Variants in HDAC11 observed in about 807,000 individuals in gnomAD.
The protein encoded by HDAC11 is histone deacetylase 11.
A neutral mutation model predicts 41.1 loss-of-function variants in HDAC11; 23 were observed. The observed-to-expected ratio is 0.56, with a 90% CI of 0.40 to 0.79. The LOEUF (loss-of-function observed/expected upper bound fraction) is 0.79, where lower values mean the gene tolerates loss of function less well. HDAC11 is among the 30% of genes least tolerant of loss of function. The pLI is 0.00. For missense variants in HDAC11, 402 were observed against 477.3 expected (o/e 0.84, Z 1.47); for synonymous variants, 187 against 186.6 (o/e 1.00, Z -0.02).
chr3:13,482,076 C>A (rs1175563990), intron 2 of HDAC11, among the ~76,000 whole-genome samples: 1 of 152,226 alleles, frequency 6.6e-6, no homozygotes, highest in African/African-American at 2.4e-5. Flanking sequence ...AAGGACACAG[C>A]TCCCATTAGT....
Position 13,480,931 on chromosome 3 carries a change from T to G in HDAC11, c.3-315T>G, listed in dbSNP as rs1701285983. Reference sequence around the variant, plus strand: ...GTGCAGAGGTGATGCGCGGAGGCCTTGCAGCCAGACACACCTGAGTGCACG... The same window carrying G: ...GTGCAGAGGTGATGCGCGGAGGCCTGGCAGCCAGACACACCTGAGTGCACG... On this transcript the variant is annotated intron_variant, in intron 1 of 9. Transcript: ENST00000295757. The surrounding 1 kb of genome is among the most constrained non-coding windows in gnomAD (Gnocchi z 4.6). The G allele has an allele frequency of 2.2e-6, 1 of 457,548 alleles. No individual in the cohort carries two copies. Among genetic ancestry groups the G allele is most frequent in the South Asian group, 2.2e-5 (1 of 45,796 alleles). The allele number at this position is 457,548 out of a possible 1,614,324, so 28.3% of individuals were successfully genotyped here. A position where few individuals can be genotyped will look rare whatever the true frequency, so the allele number is the denominator to read the frequency against.
intron 3 of HDAC11, among the ~76,000 whole-genome samples, chr3:13,496,231 G>A (rs1015235682): frequency 5.3e-5 from 8 of 152,212 alleles, no homozygotes; most frequent in Non-Finnish European, 7.3e-5. Context: ...AGGAAGGTCC[G>A]ATTCCCAATG....
rs1341448405 is a variant in HDAC11 at position 13,499,952 on chromosome 3, C to T, written c.413-761C>T. 2.0e-5 allele frequency among the ~76,000 whole-genome samples: 3 copies of T among 152,152 alleles called. 1 individual carries two copies. The highest frequency in any genetic ancestry group is 2.0e-4 in the Admixed American group (3 of 15,276). On this transcript the variant is annotated intron_variant, in intron 5 of 9. Coordinates refer to ENST00000295757, the MANE Select transcript of HDAC11 (RefSeq NM_024827.4). ...GACCTCCTCTGTGGGTCAGTCTCCT[C>T]ATCTGTAAAATGGGGATGGTGATGC...
chr3:13,487,302 C>T (rs1050866339), intron 3 of HDAC11, among the ~76,000 whole-genome samples: 1 of 152,226 alleles, frequency 6.6e-6, no homozygotes, highest in Non-Finnish European at 1.5e-5. Flanking sequence ...GAGAGTCCTT[C>T]AGGTTTCTCA....
chr3:13,480,425 G>A lies in HDAC11; in HGVS notation c.2+76G>A, dbSNP rs1158293055. 1 of 937,420 alleles carries A rather than the reference G, an allele frequency of 1.1e-6. No individual in the cohort carries two copies. Among genetic ancestry groups the A allele is most frequent in the Non-Finnish European group, 1.4e-6 (1 of 730,482 alleles). 58.1% of individuals were successfully genotyped at this position (937,420 alleles called of 1,614,324 possible). A position where few individuals can be genotyped will look rare whatever the true frequency, so the allele number is the denominator to read the frequency against. ...GCGGGCGCGCTAGGGCGAGGGCGGGGACGGCCGGGCGGGCGCGCCAGGTAA... is the reference window on the plus strand; with the variant it reads ...GCGGGCGCGCTAGGGCGAGGGCGGGAACGGCCGGGCGGGCGCGCCAGGTAA... On this transcript the variant is annotated intron_variant, in intron 1 of 9. Transcript: ENST00000295757. This position sits in a 1 kb window ranked among gnomAD's most constrained non-coding sequence, Gnocchi z 4.6.
At chr3:13,499,825 G>A (rs1034438590) in intron 5 of HDAC11, among the ~76,000 whole-genome samples, 10 of 152,334 alleles carry the variant, frequency 6.6e-5, no homozygotes, top group African/African-American at 2.2e-4. Flanking sequence ...CCCCATGGCA[G>A]GTGTTACTGC....
At position 13,492,488 on chromosome 3, in the gene HDAC11, G is replaced by C. The variant is rs141189475; in HGVS notation, c.253-4248G>C. 7.6e-3 allele frequency among the ~76,000 whole-genome samples: 1,164 copies of C among 152,330 alleles called. 11 individuals are homozygous for C. Among genetic ancestry groups the C allele is most frequent in the Non-Finnish European group, 9.4e-3 (637 of 68,022 alleles). ...ACAGTCTGTAGCCTCAGGGAGAGAA[G>C]TGCTATCTGGGAAGATGAAGCCAAG... On this transcript the variant is annotated intron_variant, in intron 3 of 9. Transcript: ENST00000295757.
intron 5 of HDAC11, among the ~76,000 whole-genome samples, chr3:13,499,247 G>T (rs1702244808): frequency 6.6e-6 from 1 of 152,062 alleles, no homozygotes; most frequent in African/African-American, 2.4e-5. Context: ...TCGGCTCACC[G>T]CAACCTCCGC....
At position 13,498,514 on chromosome 3, in the gene HDAC11, C is replaced by T. The variant is rs755040576; in HGVS notation, c.371C>T (p.Ala124Val). ...CTCACCCTCTGCTTGTCTCCAAAGG[C>T]GGGGAAGCTGGCTGTGGAGCGAGGC... is the stretch of plus-strand genomic sequence containing the variant. ...LRTQTGGTIM[A>V]GKLAVERGWA... is the part of the protein sequence containing the mutation. The change falls in exon 5 of 10, where the codon GCG becomes GTG. Residue 124 changes from alanine to valine, a missense_variant and splice_region_variant. Physicochemically the swap from Ala to Val is moderately conservative, Grantham distance 64. Transcript: ENST00000295757. 9 of 1,610,888 alleles carry T rather than the reference C, an allele frequency of 5.6e-6. No individual in the cohort carries two copies. Among genetic ancestry groups the T allele is most frequent in the South Asian group, 3.3e-5 (3 of 91,020 alleles).
At chr3:13,482,980 G>A (rs1291857141) in intron 2 of HDAC11, among the ~76,000 whole-genome samples, 1 of 151,522 alleles carries the variant, frequency 6.6e-6, no homozygotes, top group East Asian at 1.9e-4. Flanking sequence ...TGAACTCCTG[G>A]GCTCAAGCAA....
Position 13,481,240 on chromosome 3 carries a change from C to G in HDAC11, c.3-6C>G. 2 of 1,611,362 alleles carry G rather than the reference C, an allele frequency of 1.2e-6. No individual in the cohort carries two copies. The highest frequency in any genetic ancestry group is 2.2e-5 in the East Asian group (1 of 44,880). ...AGCTGTGCGTCTGTCTTTTTCCACACGGTAGGCTACACACAACCCAGCTGT... is the reference window on the plus strand; with the variant it reads ...AGCTGTGCGTCTGTCTTTTTCCACAGGGTAGGCTACACACAACCCAGCTGT... On this transcript the variant is annotated splice_polypyrimidine_tract_variant and splice_region_variant and intron_variant, in intron 1 of 9. Coordinates refer to ENST00000295757, the MANE Select transcript of HDAC11 (RefSeq NM_024827.4).
Position 13,481,244 on chromosome 3 carries a change from A to G in HDAC11, c.3-2A>G. ...GTGCGTCTGTCTTTTTCCACACGGT[A>G]GGCTACACACAACCCAGCTGTACCA... On this transcript the variant is annotated splice_acceptor_variant, in intron 1 of 9. Coordinates refer to ENST00000295757, the MANE Select transcript of HDAC11 (RefSeq NM_024827.4). LOFTEE classifies it high-confidence loss of function. 1 of 1,611,820 alleles carries G rather than the reference A, an allele frequency of 6.2e-7. No homozygotes were observed. The highest frequency in any genetic ancestry group is 8.5e-7 in the Non-Finnish European group (1 of 1,179,808).
chr3:13,490,402 A>G (rs1040188870), intron 3 of HDAC11, among the ~76,000 whole-genome samples: 9 of 152,306 alleles, frequency 5.9e-5, no homozygotes, highest in African/African-American at 2.2e-4. Context: ...GGATTTTGAC[A>G]GGAATTGCAT....
At position 13,505,026 on chromosome 3, in the gene HDAC11, T is replaced by C; in HGVS notation, c.*343T>C. 2.9e-6 allele frequency: 1 copy of C among 345,996 alleles called. No homozygotes were observed. The highest frequency in any genetic ancestry group is 5.9e-5 in the East Asian group (1 of 16,838). The allele number at this position is 345,996 out of a possible 1,614,324, so 21.4% of individuals were successfully genotyped here. On this transcript the variant is annotated 3_prime_UTR_variant, in exon 10 of 10. Coordinates refer to ENST00000295757, the MANE Select transcript of HDAC11 (RefSeq NM_024827.4). ...GGCCCTGGGCTTGGGGTGTTCTGGT[T>C]TTGAGAACGGCAGACCCAGGTCGGA... is the stretch of plus-strand genomic sequence containing the variant.
chr3:13,482,412 G>A (rs1314177483), intron 2 of HDAC11, among the ~76,000 whole-genome samples: 2 of 152,230 alleles, frequency 1.3e-5, no homozygotes, highest in Non-Finnish European at 2.9e-5. Flanking sequence ...CTGATTAGTG[G>A]TTTGAACGGA....
chr3:13,500,317 G>A (rs996725968), intron 5 of HDAC11, among the ~76,000 whole-genome samples: 2 of 152,134 alleles, frequency 1.3e-5, no homozygotes, highest in Non-Finnish European at 2.9e-5. Context: ...GACCAGCAGA[G>A]GGTGCCCTTC....
At chr3:13,498,834 G>A (rs2675231) in intron 5 of HDAC11, among the ~76,000 whole-genome samples, 136,498 of 152,132 alleles carry the variant, frequency 0.9, 61,389 homozygotes, top group African/African-American at 0.96. Context: ...GCGTACTTCC[G>A]GTGGCAGGGA....
At chr3:13,491,447 C>T (rs573823467) in intron 3 of HDAC11, among the ~76,000 whole-genome samples, 2 of 152,106 alleles carry the variant, frequency 1.3e-5, no homozygotes, top group African/African-American at 4.8e-5. Context: ...GCTTTTTGTG[C>T]ATCAACTGAG....
chr3:13,482,793 ATTTATTTG>A (rs553174070), intron 2 of HDAC11, among the ~76,000 whole-genome samples: 170 of 152,060 alleles, frequency 1.1e-3, no homozygotes, highest in African/African-American at 3.7e-3. Context: ...TCTTGCATTT[ATTTATTTG>A]TTTATTTATT....
Sources: gnomAD v4.1 joint callset for allele counts (sites outside exome capture counted in the v4.1 genomes callset) on GRCh38, gnomAD v4.1.1 for gene constraint, Gnocchi (gnomAD v3.1) non-coding constraint, MANE v1.5 for transcripts, NCBI Gene and HGNC (gene_info 2026-07-23, HGNC 2026-07-21) for gene names.